Variants in CAT observed in about 807,000 individuals in gnomAD.
CAT encodes catalase, also known as epididymis secretory sperm binding protein.
Under a neutral mutation model 59.0 loss-of-function variants are expected in CAT, and 43 were observed. That is an observed-to-expected ratio of 0.73 (90% CI 0.57 to 0.94). The LOEUF (loss-of-function observed/expected upper bound fraction) is 0.94. Ranked by LOEUF, CAT falls within the 40% of genes least tolerant of loss-of-function variation. The probability of loss-of-function intolerance (pLI) is 0.00; values close to 1 mark genes in which losing one functional copy is unlikely to be tolerated. For synonymous variants in CAT, 218 were observed against 230.9 expected (o/e 0.94, Z 0.51); for missense variants, 664 against 682.9 (o/e 0.97, Z 0.31).
intron 11 of CAT, among the ~76,000 whole-genome samples, chr11:34,469,671 G>GT (rs35099202): frequency 0.11 from 15,585 of 145,612 alleles, 890 homozygotes; most frequent in East Asian, 0.3. Context: ...GGTTGTGTGG[G>GT]TTTTTTTTTT....
At chr11:34,451,532 G>A (rs1359981304) in intron 3 of CAT, among the ~76,000 whole-genome samples, 1 of 152,162 alleles carries the variant, frequency 6.6e-6, no homozygotes, top group Non-Finnish European at 1.5e-5. Context: ...GAGAGGCTAA[G>A]TGATGTTTCT....
chr11:34,464,162 C>T lies in CAT; in HGVS notation c.1253C>T (p.Ala418Val), dbSNP rs1856685534. Reference sequence around the variant, plus strand: ...GGTGCTCCGGAACAACAGCCTTCTGCCCTGGAGCACAGCATCCAATATTCT... The same window carrying T: ...GGTGCTCCGGAACAACAGCCTTCTGTCCTGGAGCACAGCATCCAATATTCT... ...SFGAPEQQPS[A>V]LEHSIQYSGE... Residue 418 changes from alanine to valine, a missense_variant, in exon 10 of 13, where the codon GCC (alanine) becomes GTC (valine). Physicochemically the swap from Ala to Val is moderately conservative, Grantham distance 64. Transcript: ENST00000241052. 2 of 1,613,892 alleles carry T rather than the reference C, an allele frequency of 1.2e-6. No homozygotes were observed. Among genetic ancestry groups the T allele is most frequent in the Non-Finnish European group, 1.7e-6 (2 of 1,179,782 alleles).
chr11:34,461,484 G>A lies in CAT; in HGVS notation c.1195+95G>A, dbSNP rs1016775312. ...GGCCAGTGGCTCTCAAGCTGGCCCC[G>A]CAGGACCTCCTGCTTGGTAAAGGTG... On this transcript the variant is annotated intron_variant, in intron 9 of 12. Coordinates refer to ENST00000241052, the MANE Select transcript of CAT (RefSeq NM_001752.4). 2.3e-5 allele frequency: 33 copies of A among 1,437,958 alleles called. 1 individual carries two copies. Among genetic ancestry groups the A allele is most frequent in the Admixed American group, 6.7e-5 (4 of 59,308 alleles). 89.1% of individuals were successfully genotyped at this position (1,437,958 alleles called of 1,614,324 possible).
intron 8 of CAT, among the ~76,000 whole-genome samples, chr11:34,457,204 CTTTTTTT>C (rs899442681): frequency 1.5e-5 from 1 of 66,172 alleles, no homozygotes; most frequent in African/African-American, 6.0e-5. Context: ...TTTTCTTGTT[CTTTTTTT>C]TTTTTTTTTT....
intron 2 of CAT, among the ~76,000 whole-genome samples, chr11:34,449,919 G>A (rs1456570247): frequency 1.3e-5 from 2 of 152,174 alleles, no homozygotes; most frequent in East Asian, 3.9e-4. Flanking sequence ...GCAGGTTGGG[G>A]TACAAGGCAA....
At chr11:34,470,537 G>A (rs1057371342) in intron 11 of CAT, among the ~76,000 whole-genome samples, 1 of 152,206 alleles carries the variant, frequency 6.6e-6, no homozygotes, top group African/African-American at 2.4e-5. Flanking sequence ...TCGCGTGCTT[G>A]TTCTTCCTGG....
chr11:34,452,265 A>T, intron 4 of CAT, 58 bp downstream of exon 4: 1 of 1,545,672 alleles, frequency 6.5e-7, no homozygotes, highest in Non-Finnish European at 8.9e-7. Flanking sequence ...TTGATTTCAA[A>T]TAGGTTGGCA....
intron 11 of CAT, 69 bp downstream of exon 11, chr11:34,468,464 C>T: frequency 2.7e-6 from 3 of 1,118,032 alleles, no homozygotes; most frequent in South Asian, 1.2e-5. Context: ...GTGGGAGAAC[C>T]CTAAAAAGAA....
Position 34,471,537 on chromosome 11 carries a change from G to A in CAT, c.*104G>A, listed in dbSNP as rs2133861897. ...GTGCTAGATGTGCAAATGCAAGCTA[G>A]TGGCTTCAAAATAGAGAATCCCACT... is the stretch of plus-strand genomic sequence containing the variant. On this transcript the variant is annotated 3_prime_UTR_variant, in exon 13 of 13. Transcript: ENST00000241052. 1 of 950,234 alleles carries A rather than the reference G, an allele frequency of 1.1e-6. No homozygotes were observed. The highest frequency in any genetic ancestry group is 1.6e-5 in the African/African-American group (1 of 62,262). The allele number at this position is 950,234 out of a possible 1,614,324, so 58.9% of individuals were successfully genotyped here.
rs377637096 is a variant in CAT, at chr11:34,468,408, A to C, written c.1434+13A>C. 1.3e-6 allele frequency: 2 copies of C among 1,578,566 alleles called. No individual in the cohort carries two copies. Among genetic ancestry groups the C allele is most frequent in the South Asian group, 2.2e-5 (2 of 90,360 alleles). On this transcript the variant is annotated intron_variant, in intron 11 of 12. Coordinates refer to ENST00000241052, the MANE Select transcript of CAT (RefSeq NM_001752.4). ...CCAGAAGAAAGCGGTGAGTCTTTGT[A>C]AGCTGAAGGGTGTCCTCTGCTGGCT...
intron 8 of CAT, 36 bp downstream of exon 8, chr11:34,456,853 G>A (rs2133186115): frequency 6.2e-7 from 1 of 1,610,200 alleles, no homozygotes; most frequent in East Asian, 2.2e-5. Flanking sequence ...TGAGGCAGGT[G>A]TCCATGTGAG....
intron 8 of CAT, among the ~76,000 whole-genome samples, chr11:34,457,887 A>T (rs1856609576): frequency 6.6e-6 from 1 of 152,270 alleles, no homozygotes; most frequent in South Asian, 2.1e-4. Context: ...GTCTGCATGG[A>T]GGACAAGCTA....
At chr11:34,463,469 A>G (rs1401831276) in intron 9 of CAT, among the ~76,000 whole-genome samples, 1 of 152,244 alleles carries the variant, frequency 6.6e-6, no homozygotes, top group East Asian at 1.9e-4. Flanking sequence ...AAAACACTTT[A>G]CGGAATAGCA....
chr11:34,452,953 T>C, intron 4 of CAT, 137 bp from the exon 5 acceptor site: 1 of 676,426 alleles, frequency 1.5e-6, no homozygotes, highest in South Asian at 1.6e-5. Flanking sequence ...TTTCATATTA[T>C]GGTTTGGCAG....
intron 4 of CAT, 107 bp downstream of exon 4, chr11:34,452,314 T>A: frequency 9.2e-7 from 1 of 1,082,570 alleles, no homozygotes; most frequent in Non-Finnish European, 1.4e-6. Context: ...AAGAAAAGAA[T>A]GCGAGTTGTC....
intron 2 of CAT, 36 bp from the exon 3 acceptor site, chr11:34,450,952 G>T: frequency 7.3e-7 from 1 of 1,366,158 alleles, no homozygotes; most frequent in Non-Finnish European, 1.0e-6. Flanking sequence ...CTGAGTAATG[G>T]TCTCATGGTA....
At chr11:34,459,064 C>T (rs868381209) in intron 8 of CAT, among the ~76,000 whole-genome samples, 2 of 151,518 alleles carry the variant, frequency 1.3e-5, no homozygotes, top group Non-Finnish European at 2.9e-5. Context: ...ATAAGTTTGT[C>T]GAGTTATTGT....
At position 34,449,254 on chromosome 11, in the gene CAT, A is replaced by T; in HGVS notation, c.129A>T (p.Thr43=). 6.2e-7 allele frequency: 1 copy of T among 1,613,972 alleles called. No individual in the cohort carries two copies. The highest frequency in any genetic ancestry group is 8.5e-7 in the Non-Finnish European group (1 of 1,179,786). The change falls in exon 2 of 13, where the codon ACA becomes ACT. Residue 43 remains threonine, a synonymous_variant. Coordinates refer to ENST00000241052, the MANE Select transcript of CAT (RefSeq NM_001752.4). The part of the protein sequence containing the change: ...NPVGDKLNVI[T]VGPRGPLLVQ... Reference sequence around the variant, plus strand: ...TAGGAGACAAACTTAATGTTATTACAGTAGGGCCCCGTGGGCCCCTTCTTG... The same window carrying T: ...TAGGAGACAAACTTAATGTTATTACTGTAGGGCCCCGTGGGCCCCTTCTTG...
chr11:34,466,845 T>A (rs922848203), intron 10 of CAT, among the ~76,000 whole-genome samples: 2 of 151,432 alleles, frequency 1.3e-5, no homozygotes, highest in African/African-American at 2.4e-5. Context: ...AAGAGAACTT[T>A]AAGCTATAGA....
Sources: gnomAD v4.1 joint callset for allele counts (sites outside exome capture counted in the v4.1 genomes callset) on GRCh38, gnomAD v4.1.1 for gene constraint, MANE v1.5 for transcripts, NCBI Gene and HGNC (gene_info 2026-07-23, HGNC 2026-07-21) for gene names.